The following DNAH11 variants were observed in gnomAD, a reference collection of about 807,000 sequenced individuals.
DNAH11 encodes the protein axonemal beta dynein heavy chain 11.
Under a neutral mutation model 526.0 loss-of-function variants are expected in DNAH11, and 442 were observed. The ratio of observed to expected loss-of-function variants is 0.84; its 90% confidence interval spans 0.78 to 0.91. DNAH11 has a LOEUF of 0.91. Ranked by LOEUF, DNAH11 falls within the 40% of genes least tolerant of loss-of-function variation. The pLI, the probability that DNAH11 is intolerant of heterozygous loss-of-function variation, is 0.00. For missense variants in DNAH11, 6,989 were observed against 5,448.7 expected (o/e 1.28, Z -8.90); for synonymous variants, 2,461 against 1,935.9 (o/e 1.27, Z -7.12).
At position 21,861,798 on chromosome 7, in the gene DNAH11, G is replaced by C. The variant is rs1583784643; in HGVS notation, c.11203-55G>C. The stretch of plus-strand genomic sequence containing the variant: ...ACTGTTGCCCTGTGTATCGGGGGTA[G>C]CTAGACATCCAGGCACCAGTTGTCA... On this transcript the variant is annotated intron_variant, in intron 68 of 81. Transcript: ENST00000409508. The C allele has an allele frequency of 3.1e-6, 5 of 1,598,148 alleles. No individual in the cohort carries two copies. The East Asian group carries it at 1.1e-4, about 36-fold the overall frequency.
At chr7:21,894,369 C>T (rs768697042) in intron 77 of DNAH11, among the ~76,000 whole-genome samples, 5 of 152,218 alleles carry the variant, frequency 3.3e-5, no homozygotes, top group African/African-American at 9.6e-5. Context: ...GTAGCTCCTT[C>T]TTGACCAGAT....
chr7:21,739,488 A>T (rs571550740), intron 47 of DNAH11, 83 bp from the exon 48 acceptor site: 20 of 995,826 alleles, frequency 2.0e-5, no homozygotes, highest in South Asian at 1.8e-4. Flanking sequence ...GTAATCTGCG[A>T]TGAAGACCTT....
Position 21,652,007 on chromosome 7 carries a change from A to G in DNAH11, c.4945-3825A>G, listed in dbSNP as rs1057403773. On this transcript the variant is annotated intron_variant, in intron 28 of 81. Coordinates refer to ENST00000409508, the MANE Select transcript of DNAH11 (RefSeq NM_001277115.2). ...CATGACATTTTTCATTAGTTAATGG[A>G]CAGAAGGAAATAGTAACAAAGTTGG... Among the ~76,000 whole-genome samples, 6 of 152,320 alleles carry G rather than the reference A, an allele frequency of 3.9e-5. No individual in the cohort carries two copies. The South Asian group carries it at 1.2e-3, about 32-fold the overall frequency.
intron 59 of DNAH11, 122 bp from the exon 60 acceptor site, chr7:21,787,278 TA>T: frequency 1.2e-6 from 1 of 865,940 alleles, no homozygotes; most frequent in Non-Finnish European, 1.7e-6. Flanking sequence ...AACAGTAGGA[TA>T]AATGCAGCTT....
At chr7:21,804,995 T>A (rs1789194060) in intron 62 of DNAH11, among the ~76,000 whole-genome samples, 1 of 152,182 alleles carries the variant, frequency 6.6e-6, no homozygotes, top group African/African-American at 2.4e-5. Context: ...CTTCTGTCTC[T>A]CCCTCATACT....
intron 34 of DNAH11, 120 bp downstream of exon 34, chr7:21,687,647 T>A (rs1783438498): frequency 7.8e-6 from 10 of 1,281,696 alleles, no homozygotes; most frequent in Non-Finnish European, 1.1e-5. Flanking sequence ...AAAGGAAGAT[T>A]CTGGTCGATT....
chr7:21,544,123 G>A (rs1230065680), intron 1 of DNAH11, among the ~76,000 whole-genome samples: 1 of 152,156 alleles, frequency 6.6e-6, no homozygotes, highest in South Asian at 2.1e-4. Context: ...CATTTAGAGG[G>A]AACAGTTCCC....
chr7:21,596,495 A>C (rs1178498868), intron 14 of DNAH11, among the ~76,000 whole-genome samples: 1 of 152,228 alleles, frequency 6.6e-6, no homozygotes, highest in Non-Finnish European at 1.5e-5. Context: ...TCTGACTTTT[A>C]AGACATCTCT....
Position 21,543,269 on chromosome 7 carries a change from G to A in DNAH11, c.24G>A (p.Arg8=), listed in dbSNP as rs1489353643. The change falls in exon 1 of 82, where the codon CGG becomes CGA. Residue 8 remains arginine, a synonymous_variant. Coordinates refer to ENST00000409508, the MANE Select transcript of DNAH11 (RefSeq NM_001277115.2). MAAQVAA[R]EARDFREAPT... ...CAATGGCAGCCCAGGTGGCAGCCCG[G>A]GAGGCGCGAGACTTCAGAGAAGCCC... 6.5e-7 allele frequency: 1 copy of A among 1,540,132 alleles called. No homozygotes were observed. Among genetic ancestry groups the A allele is most frequent in the Non-Finnish European group, 8.8e-7 (1 of 1,141,678 alleles).
intron 65 of DNAH11, among the ~76,000 whole-genome samples, chr7:21,837,809 T>C (rs1398085222): frequency 1.3e-5 from 2 of 152,140 alleles, no homozygotes; most frequent in Non-Finnish European, 2.9e-5. Flanking sequence ...ATAGTGTATA[T>C]TTCAACATAA....
rs372251224 is a variant in DNAH11 at position 21,836,191 on chromosome 7, G to A, written c.10692-6353G>A. Among the ~76,000 whole-genome samples, 6 of 152,062 alleles carry A rather than the reference G, an allele frequency of 3.9e-5. No homozygotes were observed. The East Asian group carries it at 9.6e-4, about 24-fold the overall frequency. On this transcript the variant is annotated intron_variant, in intron 65 of 81. Transcript: ENST00000409508. ...CCATACTACCCAAAGTGATCTACAC[G>A]TTCAATGTAATCCTTATGAAAATAC...
In DNAH11 at chr7:21,763,466, T is replaced by C. The variant is rs565295315; in HGVS notation, c.8941-1962T>C. 7.4e-4 allele frequency among the ~76,000 whole-genome samples: 110 copies of C among 149,618 alleles called. 1 individual carries two copies. Among genetic ancestry groups the C allele is most frequent in the African/African-American group, 2.6e-3 (106 of 40,776 alleles). On this transcript the variant is annotated intron_variant, in intron 54 of 81. Transcript: ENST00000409508. The stretch of plus-strand genomic sequence containing the variant: ...ACAATGAAGCATCACCTCACATAGG[T>C]TAGGATAGTCATTATTTAAAAAAGC...
chr7:21,770,019 C>CA (rs1445545479), intron 55 of DNAH11, among the ~76,000 whole-genome samples: 1 of 151,978 alleles, frequency 6.6e-6, no homozygotes, highest in African/African-American at 2.4e-5. Flanking sequence ...CAACTCAAAA[C>CA]AAAAAAACAG....
At chr7:21,644,659 C>A (rs1218809284) in intron 28 of DNAH11, among the ~76,000 whole-genome samples, 1 of 152,114 alleles carries the variant, frequency 6.6e-6, no homozygotes, top group East Asian at 1.9e-4. Context: ...GACCATCTTG[C>A]CATTGGCTCT....
At chr7:21,754,834 C>G (rs1207522878) in intron 54 of DNAH11, among the ~76,000 whole-genome samples, 1 of 152,154 alleles carries the variant, frequency 6.6e-6, no homozygotes, top group East Asian at 1.9e-4. Flanking sequence ...AATGGGCAGT[C>G]TTTTAGCCTG....
At chr7:21,646,579 T>C (rs529877334) in intron 28 of DNAH11, among the ~76,000 whole-genome samples, 1 of 152,008 alleles carries the variant, frequency 6.6e-6, no homozygotes, top group African/African-American at 2.4e-5. Flanking sequence ...TTAGGCAGAG[T>C]GCTGAATAGT....
At chr7:21,721,584 C>T (rs1306724521) in intron 44 of DNAH11, among the ~76,000 whole-genome samples, 1 of 152,178 alleles carries the variant, frequency 6.6e-6, no homozygotes, top group African/African-American at 2.4e-5. Flanking sequence ...CCGCCACTTT[C>T]CCGCTGTGTC....
chr7:21,828,593 T>A (rs1169788160), intron 65 of DNAH11, among the ~76,000 whole-genome samples: 1 of 152,222 alleles, frequency 6.6e-6, no homozygotes, highest in Non-Finnish European at 1.5e-5. Flanking sequence ...CAGATTCTTT[T>A]ATTTTCTTTT....
In DNAH11 at chr7:21,633,616, C is replaced by G. The variant is rs116011730; in HGVS notation, c.4501-2255C>G. On this transcript the variant is annotated intron_variant, in intron 25 of 81. Coordinates refer to ENST00000409508, the MANE Select transcript of DNAH11 (RefSeq NM_001277115.2). ...ATTGAGCACCTAATTGTTACAGGCT[C>G]CAGGTATGATACCATTTGTGATCCA... is the stretch of plus-strand genomic sequence containing the variant. Among the ~76,000 whole-genome samples the G allele has an allele frequency of 3.0e-3, 456 of 152,238 alleles. 3 individuals carry two copies. Among genetic ancestry groups the G allele is most frequent in the African/African-American group, 0.011 (438 of 41,532 alleles).
Sources: gnomAD v4.1 joint callset for allele counts (sites outside exome capture counted in the v4.1 genomes callset) on GRCh38, gnomAD v4.1.1 for gene constraint, MANE v1.5 for transcripts, NCBI Gene and HGNC (gene_info 2026-07-23, HGNC 2026-07-21) for gene names.